The following VAT1L variants were observed in gnomAD, a reference collection of about 807,000 sequenced individuals.
The protein encoded by VAT1L is putative NADPH-dependent quinone oxidoreductase VAT1L.
VAT1L carries 34 observed loss-of-function variants against 44.1 expected under a neutral mutation model. The observed-to-expected ratio is 0.77, with a 90% confidence interval of 0.59 to 1.03. VAT1L has a LOEUF of 1.03. VAT1L is among the 50% of genes least tolerant of loss of function. The pLI is 0.00. For missense variants in VAT1L, 615 were observed against 538.8 expected (o/e 1.14, Z -1.40); for synonymous variants, 253 against 202.2 (o/e 1.25, Z -2.13).
At chr16:77,942,694 G>A (rs1457300380) in intron 7 of VAT1L, among the ~76,000 whole-genome samples, 1 of 152,146 alleles carries the variant, frequency 6.6e-6, no homozygotes, top group African/African-American at 2.4e-5. Flanking sequence ...TAGAGCAGTG[G>A]TTTGAATTCA....
At position 77,907,213 on chromosome 16, in the gene VAT1L, A is replaced by C. The variant is rs574722698; in HGVS notation, c.1077+22411A>C. Among the ~76,000 whole-genome samples, 4 of 152,342 alleles carry C rather than the reference A, an allele frequency of 2.6e-5. No individual in the cohort carries two copies. The East Asian group carries it at 5.8e-4, about 22-fold the overall frequency. On this transcript the variant is annotated intron_variant, in intron 7 of 8. Coordinates refer to ENST00000302536, the MANE Select transcript of VAT1L (RefSeq NM_020927.3). ...AATACAGAAGTGGGAAGAGATGTGC[A>C]CAATCAGCTATCGGAGTCAGTGCCC...
chr16:77,944,072 G>A (rs1235034267), intron 7 of VAT1L, among the ~76,000 whole-genome samples: 3 of 152,136 alleles, frequency 2.0e-5, no homozygotes, highest in East Asian at 3.9e-4. Context: ...AGGGGCAGCT[G>A]GCAATGTCCG....
intron 1 of VAT1L, among the ~76,000 whole-genome samples, chr16:77,814,606 C>G (rs2016320529): frequency 6.6e-6 from 1 of 152,200 alleles, no homozygotes; most frequent in African/African-American, 2.4e-5. Context: ...TTTCTTCTAG[C>G]ATTTTTCCAA....
intron 1 of VAT1L, 62 bp downstream of exon 1, chr16:77,788,977 T>A: frequency 7.2e-7 from 1 of 1,388,268 alleles, no homozygotes; most frequent in Non-Finnish European, 9.4e-7. Context: ...GGGGAGGGGG[T>A]GGGAAAGCTG....
chr16:77,805,122 T>A (rs527391149), intron 1 of VAT1L, among the ~76,000 whole-genome samples: 1 of 152,286 alleles, frequency 6.6e-6, no homozygotes, highest in East Asian at 1.9e-4. Context: ...CAGCCTCTGA[T>A]TGAACACAGG....
chr16:77,972,059 G>T (rs990950576), intron 8 of VAT1L, 126 bp downstream of exon 8: 1 of 782,546 alleles, frequency 1.3e-6, no homozygotes, highest in Non-Finnish European at 2.0e-6. Context: ...GAGACCAGGG[G>T]TAATCAAATG....
At chr16:77,904,099 G>T (rs1025653420) in intron 7 of VAT1L, among the ~76,000 whole-genome samples, 2 of 151,486 alleles carry the variant, frequency 1.3e-5, no homozygotes, top group East Asian at 1.9e-4. Context: ...TAACCCAAAA[G>T]GAATAACCAT....
intron 7 of VAT1L, among the ~76,000 whole-genome samples, chr16:77,915,751 G>A (rs978077830): frequency 5.3e-5 from 8 of 152,200 alleles, no homozygotes; most frequent in Admixed American, 2.6e-4. Context: ...GCTAGAAGAC[G>A]GAGCCAGATA....
In VAT1L at chr16:77,788,935, C is replaced by A. The variant is rs1490180150; in HGVS notation, c.233+20C>A. 1 of 1,452,646 alleles carries A rather than the reference C, an allele frequency of 6.9e-7. No homozygotes were observed. The allele number at this position is 1,452,646 out of a possible 1,614,324, so 90.0% of individuals were successfully genotyped here. A position where few individuals can be genotyped will look rare whatever the true frequency, so the allele number is the denominator to read the frequency against. On this transcript the variant is annotated intron_variant, in intron 1 of 8. Coordinates refer to ENST00000302536, the MANE Select transcript of VAT1L (RefSeq NM_020927.3). ...AGCCTGGTCCAGTATCCGCGCCTTT[C>A]TCGCTTTCTCTCTTTTTGCGCGCTG...
chr16:77,865,980 C>A (rs1166639140), intron 4 of VAT1L, among the ~76,000 whole-genome samples: 2 of 152,288 alleles, frequency 1.3e-5, no homozygotes, highest in Admixed American at 1.3e-4. Flanking sequence ...GTCAGAAGAA[C>A]AGAAGGCATT....
At position 77,884,598 on chromosome 16, in the gene VAT1L, C is replaced by T; in HGVS notation, c.883-10C>T. On this transcript the variant is annotated splice_polypyrimidine_tract_variant and intron_variant, in intron 6 of 8. Coordinates refer to ENST00000302536, the MANE Select transcript of VAT1L (RefSeq NM_020927.3). This position sits in a 1 kb window ranked among gnomAD's most constrained non-coding sequence, Gnocchi z 4.5. ...GAGTTCCTATAACCCAATACCACCT[C>T]TCTTTGCAGTGGTGGCAGGTGGAGA... The T allele has an allele frequency of 1.9e-6, 3 of 1,611,796 alleles. No homozygotes were observed. Among genetic ancestry groups the T allele is most frequent in the Non-Finnish European group, 2.5e-6 (3 of 1,179,218 alleles).
At chr16:77,802,622 ACACACACACAC>A (rs1567468337) in intron 1 of VAT1L, among the ~76,000 whole-genome samples, 3,662 of 83,514 alleles carry the variant, frequency 0.044, 62 homozygotes, top group Middle Eastern at 0.11. Flanking sequence ...TCAAACACAC[ACACACACACAC>A]ACACACACAC....
intron 7 of VAT1L, among the ~76,000 whole-genome samples, chr16:77,908,719 T>A (rs916270071): frequency 1.3e-5 from 2 of 151,850 alleles, no homozygotes; most frequent in Admixed American, 1.3e-4. Flanking sequence ...ATTGAGACCA[T>A]CCTGGCTAAC....
chr16:77,874,093 G>C (rs2017062135), intron 4 of VAT1L, among the ~76,000 whole-genome samples: 1 of 152,124 alleles, frequency 6.6e-6, no homozygotes, highest in Non-Finnish European at 1.5e-5. Context: ...ATGCAGATGT[G>C]AGGGGCATCA....
chr16:77,807,186 G>C (rs1371779317), intron 1 of VAT1L, among the ~76,000 whole-genome samples: 2 of 152,116 alleles, frequency 1.3e-5, no homozygotes, highest in Non-Finnish European at 2.9e-5. Context: ...ACCCTGAAAG[G>C]AGAGATCACA....
chr16:77,949,548 C>T (rs1183419404), intron 7 of VAT1L, among the ~76,000 whole-genome samples: 1 of 152,156 alleles, frequency 6.6e-6, no homozygotes. Context: ...GATTAATGCC[C>T]TCCCTGCAGG....
At chr16:77,855,060 C>T (rs919309436) in intron 3 of VAT1L, among the ~76,000 whole-genome samples, 2 of 151,932 alleles carry the variant, frequency 1.3e-5, no homozygotes, top group South Asian at 2.1e-4. Flanking sequence ...AATGTGAAAC[C>T]GCTGGGCGTG....
At chr16:77,821,300 CTT>C (rs753506804) in intron 2 of VAT1L, among the ~76,000 whole-genome samples, 12 of 135,184 alleles carry the variant, frequency 8.9e-5, no homozygotes, top group Admixed American at 1.5e-4. Flanking sequence ...GAAATCTTGT[CTT>C]TTTTTTTTTT....
At chr16:77,881,371 G>A (rs2017153662) in intron 6 of VAT1L, among the ~76,000 whole-genome samples, 1 of 152,152 alleles carries the variant, frequency 6.6e-6, no homozygotes, top group Non-Finnish European at 1.5e-5. Flanking sequence ...ATATACTAAT[G>A]AGGGAGACAA....
Sources: allele counts gnomAD v4.1 joint callset (sites outside exome capture counted in the v4.1 genomes callset), GRCh38; gene constraint gnomAD v4.1.1; non-coding constraint Gnocchi (gnomAD v3.1); transcripts MANE v1.5; gene names NCBI Gene and HGNC (gene_info 2026-07-23, HGNC 2026-07-21).